Variants in ANK1 observed in about 807,000 individuals in gnomAD.
ANK1 encodes ankyrin 1.
ANK1 carries 51 observed loss-of-function variants against 210.4 expected under a neutral mutation model. The observed-to-expected ratio is 0.24, with a 90% CI of 0.19 to 0.31. The LOEUF is 0.31. Ranked by LOEUF, ANK1 falls within the 10% of genes least tolerant of loss-of-function variation. The probability of loss-of-function intolerance (pLI) is 1.00; values close to 1 mark genes in which losing one functional copy is unlikely to be tolerated. For synonymous variants in ANK1, 967 were observed against 1,025.9 expected (o/e 0.94, Z 1.10); for missense variants, 2,051 against 2,504.4 (o/e 0.82, Z 3.86).
At position 41,686,012 on chromosome 8, in the gene ANK1, C is replaced by A. The variant is rs924479083; in HGVS notation, c.4390+140G>T. The A allele has an allele frequency of 1.8e-5, 24 of 1,356,144 alleles. No individual in the cohort carries two copies. The South Asian group carries it at 2.2e-4, about 12-fold the overall frequency. 84.0% of individuals were successfully genotyped at this position (1,356,144 alleles called of 1,614,324 possible). A position where few individuals can be genotyped will look rare whatever the true frequency, so the allele number is the denominator to read the frequency against. ...GGACTGCCTGGAAGACCTCCTGATG[C>A]GAGTGGTGCGTGAGTGTGTGTGAGA... On this transcript the variant is annotated intron_variant, in intron 36 of 42. Coordinates refer to ENST00000289734, the MANE Select transcript of ANK1 (RefSeq NM_000037.4).
chr8:41,859,834 G>T (rs1287557285), intron 1 of ANK1, among the ~76,000 whole-genome samples: 1 of 152,246 alleles, frequency 6.6e-6, no homozygotes, highest in Non-Finnish European at 1.5e-5. Flanking sequence ...GGGGCTCCAG[G>T]CTGGCCGCAG....
At chr8:41,824,826 C>T (rs1234580500) in intron 1 of ANK1, among the ~76,000 whole-genome samples, 1 of 152,184 alleles carries the variant, frequency 6.6e-6, no homozygotes, top group East Asian at 1.9e-4. Context: ...CGGGATGTGC[C>T]TGAGCTCACA....
chr8:41,750,523 A>G (rs1186763643), intron 2 of ANK1, among the ~76,000 whole-genome samples: 2 of 152,004 alleles, frequency 1.3e-5, no homozygotes, highest in East Asian at 3.9e-4. Flanking sequence ...TATAAAATAT[A>G]TAAGCTTTCA....
At chr8:41,874,834 T>C (rs879687383) in intron 1 of ANK1, among the ~76,000 whole-genome samples, 2 of 152,252 alleles carry the variant, frequency 1.3e-5, no homozygotes, top group Non-Finnish European at 2.9e-5. Flanking sequence ...CTGCTTTTGA[T>C]CTTCCCATTC....
intron 2 of ANK1, among the ~76,000 whole-genome samples, chr8:41,748,991 T>C (rs1193209550): frequency 2.6e-5 from 4 of 151,474 alleles, no homozygotes; most frequent in Non-Finnish European, 4.4e-5. Context: ...ACAGAGATCC[T>C]GCCACTGCCC....
At chr8:41,793,125 C>G (rs968808383) in intron 1 of ANK1, among the ~76,000 whole-genome samples, 3 of 152,174 alleles carry the variant, frequency 2.0e-5, no homozygotes, top group African/African-American at 7.2e-5. Context: ...GCCTGTAAAC[C>G]CTGTGCTTTG....
chr8:41,697,622 G>A (rs1435338917), intron 24 of ANK1: 1 of 342,022 alleles, frequency 2.9e-6, no homozygotes, highest in African/African-American at 2.1e-5. Flanking sequence ...CACTCTTTCT[G>A]GTTGGGCCCC....
At chr8:41,696,169 C>A (rs1355394997) in intron 26 of ANK1, among the ~76,000 whole-genome samples, 194 bp downstream of exon 26, 1 of 152,212 alleles carries the variant, frequency 6.6e-6, no homozygotes, top group East Asian at 1.9e-4. Context: ...AGATTACAGG[C>A]GTGAGCTATC....
At chr8:41,821,045 T>G (rs1804180667) in intron 1 of ANK1, among the ~76,000 whole-genome samples, 1 of 152,340 alleles carries the variant, frequency 6.6e-6, no homozygotes, top group Non-Finnish European at 1.5e-5. Context: ...AGATGCAAAT[T>G]TCTTTAACAA....
At chr8:41,882,303 G>A (rs1054338568) in intron 1 of ANK1, among the ~76,000 whole-genome samples, 1 of 152,160 alleles carries the variant, frequency 6.6e-6, no homozygotes, top group South Asian at 2.1e-4. Context: ...GCTCCTGGAA[G>A]CCTGAGTTTC....
At chr8:41,746,132 G>A (rs1435017512) in intron 2 of ANK1, among the ~76,000 whole-genome samples, 1 of 152,200 alleles carries the variant, frequency 6.6e-6, no homozygotes, top group Non-Finnish European at 1.5e-5. Flanking sequence ...CGCTGATGGG[G>A]GAGACCTCTT....
chr8:41,812,935 G>T (rs1802729548), intron 1 of ANK1, among the ~76,000 whole-genome samples: 2 of 152,182 alleles, frequency 1.3e-5, no homozygotes, highest in Admixed American at 6.5e-5. Context: ...CTGCTGTGCG[G>T]CCTGGTTCCT....
upstream of ANK1, among the ~76,000 whole-genome samples, chr8:41,799,521 A>G (rs1239396202): frequency 6.6e-6 from 1 of 152,222 alleles, no homozygotes; most frequent in Admixed American, 6.5e-5. Context: ...CCACACTCAG[A>G]AGAGAGAACA....
At chr8:41,716,761 A>G (rs1827792089) in intron 13 of ANK1, among the ~76,000 whole-genome samples, 192 bp downstream of exon 13, 1 of 152,200 alleles carries the variant, frequency 6.6e-6, no homozygotes, top group Non-Finnish European at 1.5e-5. Context: ...TGTGGCTCTC[A>G]TGCAGAAATA....
intron 20 of ANK1, among the ~76,000 whole-genome samples, chr8:41,702,379 C>T (rs1277984070): frequency 1.3e-5 from 2 of 152,096 alleles, no homozygotes; most frequent in East Asian, 3.9e-4. Context: ...TGCTTTCGAT[C>T]TGCAGCGTCA....
chr8:41,712,570 G>A (rs1189776601), intron 16 of ANK1, among the ~76,000 whole-genome samples: 1 of 152,228 alleles, frequency 6.6e-6, no homozygotes, highest in African/African-American at 2.4e-5. Flanking sequence ...AGGGAGGAAT[G>A]TGTGCCCGCA....
chr8:41,812,332 A>G (rs951662770), intron 1 of ANK1, among the ~76,000 whole-genome samples: 1 of 152,204 alleles, frequency 6.6e-6, no homozygotes, highest in African/African-American at 2.4e-5. Context: ...GAGTCCCACA[A>G]AATATGAGAC....
intron 1 of ANK1, among the ~76,000 whole-genome samples, chr8:41,791,052 C>T (rs1016161791): frequency 6.6e-6 from 1 of 152,106 alleles, no homozygotes; most frequent in Non-Finnish European, 1.5e-5. Flanking sequence ...CTGCACAAGC[C>T]GCTAATAGGT....
intron 1 of ANK1, among the ~76,000 whole-genome samples, chr8:41,879,537 G>A (rs1295575262): frequency 6.6e-6 from 1 of 152,234 alleles, no homozygotes; most frequent in African/African-American, 2.4e-5. Context: ...TGCAATGCCA[G>A]AGAGATGTAG....
Sources: gnomAD v4.1 joint callset for allele counts (sites outside exome capture counted in the v4.1 genomes callset) on GRCh38, gnomAD v4.1.1 for gene constraint, MANE v1.5 for transcripts, NCBI Gene and HGNC (gene_info 2026-07-23, HGNC 2026-07-21) for gene names.